The following TFAP2E variants were observed in gnomAD, a reference collection of about 807,000 sequenced individuals.
TFAP2E encodes the protein transcription factor AP-2-epsilon.
TFAP2E carries 30 observed loss-of-function variants against 37.9 expected under a neutral mutation model. That is an observed-to-expected ratio of 0.79 (90% CI 0.59 to 1.07). TFAP2E has a LOEUF of 1.07. Ranked by LOEUF, TFAP2E falls within the 50% of genes least tolerant of loss-of-function variation. The probability of loss-of-function intolerance (pLI) is 0.00; values close to 1 mark genes in which losing one functional copy is unlikely to be tolerated. For missense variants in TFAP2E, 567 were observed against 637.9 expected (o/e 0.89, Z 1.20); for synonymous variants, 318 against 295.8 (o/e 1.08, Z -0.77).
At chr1:35,592,547 GCCA>G (rs1363772245) in intron 6 of TFAP2E, among the ~76,000 whole-genome samples, 2 of 152,158 alleles carry the variant, frequency 1.3e-5, no homozygotes, top group Non-Finnish European at 2.9e-5. Context: ...ACAGGTGCCT[GCCA>G]CCACATCTGG....
At chr1:35,585,053 AT>A (rs1248614032) in intron 3 of TFAP2E, among the ~76,000 whole-genome samples, 1 of 151,912 alleles carries the variant, frequency 6.6e-6, no homozygotes, top group African/African-American at 2.4e-5. Context: ...AAGGCCAGGG[AT>A]GGGGGTGAGA....
rs1487714746 is a variant in TFAP2E at position 35,574,344 on chromosome 1, G to T, written c.445G>T (p.Gly149Cys). 3 of 1,446,026 alleles carry T rather than the reference G, an allele frequency of 2.1e-6. No individual in the cohort carries two copies. The East Asian group carries it at 8.9e-5, about 43-fold the overall frequency. 89.6% of individuals were successfully genotyped at this position (1,446,026 alleles called of 1,614,324 possible). ...GCACGGCCTGGCCGACGGCGCGCAC[G>T]GCCTGGCAGACGCACCTCTCGGCCT... ...LLHGLADGAH[G>C]LADAPLGLPG... is the part of the protein sequence containing the mutation. The change falls in exon 2 of 7, where the codon GGC becomes TGC. Residue 149 changes from glycine to cysteine, a missense_variant. Around this residue, in one of 3 missense-constraint regions of TFAP2E, gnomAD observed 312 missense variants for 317.4 expected, o/e 0.98. Transcript: ENST00000373235.
At position 35,574,314 on chromosome 1, in the gene TFAP2E, C is replaced by T; in HGVS notation, c.415C>T (p.Leu139Phe). The T allele has an allele frequency of 6.9e-7, 1 of 1,458,722 alleles. No individual in the cohort carries two copies. 90.4% of individuals were successfully genotyped at this position (1,458,722 alleles called of 1,614,324 possible). A position where few individuals can be genotyped will look rare whatever the true frequency, so the allele number is the denominator to read the frequency against. ...TGACTATGCCACTGCCGTGCCCCGG[C>T]TCCTGCACGGCCTGGCCGACGGCGC... ...RRDYATAVPR[L>F]LHGLADGAHG... is the part of the protein sequence containing the mutation. The change falls in exon 2 of 7, where the codon CTC becomes TTC. Residue 139 changes from leucine to phenylalanine, a missense_variant. Physicochemically the swap from Leu to Phe is conservative, Grantham distance 22. Coordinates refer to ENST00000373235, the MANE Select transcript of TFAP2E (RefSeq NM_178548.4).
chr1:35,575,081 T>G, intron 3 of TFAP2E, 81 bp downstream of exon 3: 320 of 1,462,792 alleles, frequency 2.2e-4, no homozygotes, highest in Middle Eastern at 3.5e-4. Context: ...TCACCGGCCG[T>G]GCCTCCTGTG....
chr1:35,589,492 A>ATGTG lies in TFAP2E; in HGVS notation c.786-438_786-437insTGTG, dbSNP rs202052280. On this transcript the variant is annotated intron_variant, in intron 4 of 6. Coordinates refer to ENST00000373235, the MANE Select transcript of TFAP2E (RefSeq NM_178548.4). ...TGGTTCTATGTGTCTCTATTCTTTC[A>ATGTG]CGTGTGTGTGTGTGTGTGTGTGAGA... Among the ~76,000 whole-genome samples the ATGTG allele has an allele frequency of 7.7e-5, 8 of 103,776 alleles. No individual in the cohort carries two copies. The East Asian group carries it at 1.1e-3, about 15-fold the overall frequency. 68.1% of individuals were successfully genotyped at this position (103,776 alleles called of 152,430 possible).
In TFAP2E at chr1:35,574,186, C is replaced by G; in HGVS notation, c.287C>G (p.Pro96Arg). 7.3e-7 allele frequency: 1 copy of G among 1,368,562 alleles called. No individual in the cohort carries two copies. Among genetic ancestry groups the G allele is most frequent in the South Asian group, 1.4e-5 (1 of 71,042 alleles). 84.8% of individuals were successfully genotyped at this position (1,368,562 alleles called of 1,614,324 possible). The stretch of plus-strand genomic sequence containing the variant: ...GCGCCCCTGGCGCAGCCGCAGCCTC[C>G]TCAGGCCGCCTGGGCCGCGCCCCGC... The part of the protein sequence containing the change: ...GLAPLAQPQP[P>R]QAAWAAPRAA... Residue 96 changes from proline to arginine, a missense_variant, in exon 2 of 7, where the codon CCT becomes CGT. By Grantham distance (103) the Pro-to-Arg change is moderately radical (BLOSUM62 -2). Transcript: ENST00000373235.
At position 35,588,334 on chromosome 1, in the gene TFAP2E, C is replaced by T. The variant is rs1649548733; in HGVS notation, c.567C>T (p.Pro189=). 1 of 1,611,634 alleles carries T rather than the reference C, an allele frequency of 6.2e-7. No individual in the cohort carries two copies. ...GCGTTTCCCTCTTCTCCACAGTGCCCATCCCCTCCAAAGCCAGCAGCCTCT... is the reference window on the plus strand; with the variant it reads ...GCGTTTCCCTCTTCTCCACAGTGCCTATCCCCTCCAAAGCCAGCAGCCTCT... The part of the protein sequence containing the change: ...LLDQSVIKKV[P]IPSKASSLSA... Residue 189 remains proline (P), a synonymous_variant, in exon 4 of 7, where the codon CCC becomes CCT. Transcript: ENST00000373235. The surrounding 1 kb of genome is among the most constrained non-coding windows in gnomAD (Gnocchi z 5.1).
chr1:35,574,775 A>T, intron 2 of TFAP2E, 174 bp from the exon 3 acceptor site: 1 of 808,780 alleles, frequency 1.2e-6, no homozygotes, highest in South Asian at 1.6e-5. Flanking sequence ...TGAGATGCCC[A>T]GGGCTCCAGC....
intron 3 of TFAP2E, among the ~76,000 whole-genome samples, chr1:35,581,243 T>C (rs887528485): frequency 1.3e-5 from 2 of 152,250 alleles, no homozygotes; most frequent in Admixed American, 6.5e-5. Context: ...TTTGTTTCTT[T>C]TTATTGCTTC....
rs928205639 is a variant in TFAP2E, at chr1:35,577,862, C to T, written c.562+2862C>T. 3.2e-5 allele frequency: 6 copies of T among 188,136 alleles called. No individual in the cohort carries two copies. Among genetic ancestry groups the T allele is most frequent in the African/African-American group, 4.7e-5 (2 of 42,506 alleles). 11.7% of individuals were successfully genotyped at this position (188,136 alleles called of 1,614,324 possible). The stretch of plus-strand genomic sequence containing the variant: ...ATCCGCGGTATTGGGCAGGAAATGG[C>T]AGGGCTGAGGCCGACCCTAGGAGTA... On this transcript the variant is annotated intron_variant, in intron 3 of 6. Coordinates refer to ENST00000373235, the MANE Select transcript of TFAP2E (RefSeq NM_178548.4). The surrounding 1 kb of genome is among the most constrained non-coding windows in gnomAD (Gnocchi z 6.3).
In TFAP2E at chr1:35,590,514, A is replaced by AG; in HGVS notation, c.905-115dup. ...GAGCTGGGCTGGGAAGGAACATCAG[A>AG]GGGGGCATCTACACAGGCAGGATGG... On this transcript the variant is annotated intron_variant, in intron 5 of 6. Coordinates refer to ENST00000373235, the MANE Select transcript of TFAP2E (RefSeq NM_178548.4). The surrounding 1 kb of genome is among the most constrained non-coding windows in gnomAD (Gnocchi z 6.2). 1 of 1,190,404 alleles carries AG rather than the reference A, an allele frequency of 8.4e-7. No homozygotes were observed. Among genetic ancestry groups the AG allele is most frequent in the Non-Finnish European group, 1.1e-6 (1 of 904,300 alleles). The allele number at this position is 1,190,404 out of a possible 1,614,324, so 73.7% of individuals were successfully genotyped here. A position where few individuals can be genotyped will look rare whatever the true frequency, so the allele number is the denominator to read the frequency against.
chr1:35,588,287 G>A lies in TFAP2E; in HGVS notation c.563-43G>A. On this transcript the variant is annotated intron_variant, in intron 3 of 6. Coordinates refer to ENST00000373235, the MANE Select transcript of TFAP2E (RefSeq NM_178548.4). The surrounding 1 kb of genome is among the most constrained non-coding windows in gnomAD (Gnocchi z 5.1). ...ACCAGACCCTCCCTTGAGTGGGGCT[G>A]TGTGCGGCAGCCACTGGCTCAGCGT... 1 of 1,561,890 alleles carries A rather than the reference G, an allele frequency of 6.4e-7. No individual in the cohort carries two copies. The highest frequency in any genetic ancestry group is 8.7e-7 in the Non-Finnish European group (1 of 1,147,244).
At chr1:35,589,856 TG>T in intron 4 of TFAP2E, 73 bp from the exon 5 acceptor site, 1 of 1,517,686 alleles carries the variant, frequency 6.6e-7, no homozygotes, top group Non-Finnish European at 9.1e-7. Context: ...CAAGGCCCTT[TG>T]GCAGCCACTT....
chr1:35,574,760 C>A, intron 2 of TFAP2E, 189 bp from the exon 3 acceptor site: 1 of 752,098 alleles, frequency 1.3e-6, no homozygotes, highest in Non-Finnish European at 2.3e-6. Flanking sequence ...TTTTGCACTG[C>A]ACAGTGAGAT....
At chr1:35,578,841 C>G (rs1388809706) in intron 3 of TFAP2E, among the ~76,000 whole-genome samples, 1 of 152,004 alleles carries the variant, frequency 6.6e-6, no homozygotes, top group Non-Finnish European at 1.5e-5. Context: ...TCTGTAATCC[C>G]AGCACTTTGG....
intron 3 of TFAP2E, among the ~76,000 whole-genome samples, chr1:35,580,505 A>G (rs1449095995): frequency 2.0e-5 from 3 of 152,142 alleles, no homozygotes; most frequent in Non-Finnish European, 2.9e-5. Context: ...TCACACCTGT[A>G]ATCCCAGCAC....
At position 35,588,366 on chromosome 1, in the gene TFAP2E, T is replaced by G. The variant is rs766184167; in HGVS notation, c.599T>G (p.Leu200Arg). Reference sequence around the variant, plus strand: ...TCCAAAGCCAGCAGCCTCTCAGCCCTCTCCTTGGCCAAAGACAGCCTGGTG... The same window carrying G: ...TCCAAAGCCAGCAGCCTCTCAGCCCGCTCCTTGGCCAAAGACAGCCTGGTG... ...IPSKASSLSA[L>R]SLAKDSLVGG... The change falls in exon 4 of 7, where the codon CTC becomes CGC. Residue 200 changes from leucine to arginine, a missense_variant. Leu to Arg is a moderately radical substitution (Grantham distance 102). Transcript: ENST00000373235. The surrounding 1 kb of genome is among the most constrained non-coding windows in gnomAD (Gnocchi z 5.1). The G allele has an allele frequency of 6.2e-7, 1 of 1,613,326 alleles. No homozygotes were observed. The highest frequency in any genetic ancestry group is 8.5e-7 in the Non-Finnish European group (1 of 1,179,876).
At chr1:35,589,108 G>A (rs1649573962) in intron 4 of TFAP2E, among the ~76,000 whole-genome samples, 1 of 151,968 alleles carries the variant, frequency 6.6e-6, no homozygotes, top group Non-Finnish European at 1.5e-5. Flanking sequence ...AGTAGCGGAT[G>A]GCCAGGAGCA....
At position 35,573,751 on chromosome 1, in the gene TFAP2E, T is replaced by A; in HGVS notation, c.27+147T>A. 1 of 1,397,174 alleles carries A rather than the reference T, an allele frequency of 7.2e-7. No homozygotes were observed. The highest frequency in any genetic ancestry group is 9.4e-7 in the Non-Finnish European group (1 of 1,061,372). 86.5% of individuals were successfully genotyped at this position (1,397,174 alleles called of 1,614,324 possible). ...GCCAGCTGAGAACGCGATGCGCAAGTGACCGCTGTCCCCAGCCTGAGGCTC... is the reference window on the plus strand; with the variant it reads ...GCCAGCTGAGAACGCGATGCGCAAGAGACCGCTGTCCCCAGCCTGAGGCTC... On this transcript the variant is annotated intron_variant, in intron 1 of 6. Transcript: ENST00000373235. The surrounding 1 kb of genome is among the most constrained non-coding windows in gnomAD (Gnocchi z 5.9).
Sources: allele counts gnomAD v4.1 joint callset (sites outside exome capture counted in the v4.1 genomes callset), GRCh38; gene constraint gnomAD v4.1.1; regional missense constraint gnomAD v4.1.1; non-coding constraint Gnocchi (gnomAD v3.1); transcripts MANE v1.5; gene names NCBI Gene and HGNC (gene_info 2026-07-23, HGNC 2026-07-21).